The following NSMCE2 variants were observed in gnomAD, a reference collection of about 807,000 sequenced individuals.
NSMCE2 encodes E3 SUMO-protein ligase NSE2.
NSMCE2 carries 24 observed loss-of-function variants against 23.8 expected under a neutral mutation model. That is an observed-to-expected ratio of 1.01 (90% CI 0.73 to 1.42). NSMCE2 has a LOEUF of 1.42. Ranked by LOEUF, NSMCE2 falls within the 40% of genes most tolerant of loss-of-function variation. The pLI is 0.00. For synonymous variants in NSMCE2, 92 were observed against 94.1 expected (o/e 0.98, Z 0.13); for missense variants, 284 against 296.5 (o/e 0.96, Z 0.31).
intron 5 of NSMCE2, among the ~76,000 whole-genome samples, chr8:125,194,353 A>G (rs1823505709): frequency 6.6e-6 from 1 of 152,226 alleles, no homozygotes. Context: ...TACAGTGTGT[A>G]GCCTTTTGAG....
At chr8:125,344,742 C>A (rs372795792) in intron 5 of NSMCE2, among the ~76,000 whole-genome samples, 78 of 142,478 alleles carry the variant, frequency 5.5e-4, no homozygotes, top group Middle Eastern at 3.6e-3. Context: ...GACTTCATCT[C>A]AAAAAAAAAA....
chr8:125,225,731 A>G lies in NSMCE2; in HGVS notation c.418+43475A>G, dbSNP rs566109475. 7.9e-5 allele frequency among the ~76,000 whole-genome samples: 12 copies of G among 152,382 alleles called. No individual in the cohort carries two copies. The South Asian group carries it at 2.5e-3, about 32-fold the overall frequency. On this transcript the variant is annotated intron_variant, in intron 5 of 7. Coordinates refer to ENST00000287437, the MANE Select transcript of NSMCE2 (RefSeq NM_173685.4). Reference sequence around the variant, plus strand: ...TTTTCTCTTAACATGAGAGCAAATTATACTTATTTGCTGAACAAAGCAAAG... The same window carrying G: ...TTTTCTCTTAACATGAGAGCAAATTGTACTTATTTGCTGAACAAAGCAAAG...
At chr8:125,333,222 T>C (rs972330044) in intron 5 of NSMCE2, among the ~76,000 whole-genome samples, 6 of 151,944 alleles carry the variant, frequency 3.9e-5, no homozygotes, top group African/African-American at 1.5e-4. Flanking sequence ...AAGGCTGAAA[T>C]ACAGTGGCAC....
intron 4 of NSMCE2, among the ~76,000 whole-genome samples, chr8:125,151,580 A>G (rs1821032492): frequency 2.0e-5 from 3 of 152,348 alleles, no homozygotes; most frequent in East Asian, 1.9e-4. Flanking sequence ...TAAAAATTGC[A>G]TGCACCTTGT....
chr8:125,339,432 C>T (rs1363285202), intron 5 of NSMCE2, among the ~76,000 whole-genome samples: 1 of 151,980 alleles, frequency 6.6e-6, no homozygotes, highest in African/African-American at 2.4e-5. Context: ...CAGTGGTGAG[C>T]GGGTGGTTGG....
At chr8:125,156,453 G>A (rs572076083) in intron 4 of NSMCE2, among the ~76,000 whole-genome samples, 1 of 152,068 alleles carries the variant, frequency 6.6e-6, no homozygotes, top group Non-Finnish European at 1.5e-5. Flanking sequence ...TTGGATTACA[G>A]CTACATATTT....
At chr8:125,147,079 A>G (rs1820726892) in intron 3 of NSMCE2, among the ~76,000 whole-genome samples, 1 of 152,180 alleles carries the variant, frequency 6.6e-6, no homozygotes, top group African/African-American at 2.4e-5. Context: ...CCCTAATGCC[A>G]GACTTGCAGA....
intron 5 of NSMCE2, among the ~76,000 whole-genome samples, chr8:125,325,953 A>T (rs1425856349): frequency 6.6e-6 from 1 of 151,914 alleles, no homozygotes; most frequent in Non-Finnish European, 1.5e-5. Context: ...ACTCCGTCTC[A>T]AAATAAATAA....
rs545342979 is a variant in NSMCE2 at position 125,255,560 on chromosome 8, A to T, written c.418+73304A>T. Among the ~76,000 whole-genome samples, 9 of 152,224 alleles carry T rather than the reference A, an allele frequency of 5.9e-5. No homozygotes were observed. The East Asian group carries it at 1.7e-3, about 29-fold the overall frequency. ...GGGACAACAGTGTGATCACAAGCAGAGAGGAAGGAAACAACATGGTGTGCA... is the reference window on the plus strand; with the variant it reads ...GGGACAACAGTGTGATCACAAGCAGTGAGGAAGGAAACAACATGGTGTGCA... On this transcript the variant is annotated intron_variant, in intron 5 of 7. Coordinates refer to ENST00000287437, the MANE Select transcript of NSMCE2 (RefSeq NM_173685.4).
chr8:125,183,504 G>T (rs759655010), intron 5 of NSMCE2, among the ~76,000 whole-genome samples: 1 of 151,802 alleles, frequency 6.6e-6, no homozygotes, highest in African/African-American at 2.4e-5. Context: ...ATAATAATTT[G>T]CCAATGGCTT....
intron 5 of NSMCE2, among the ~76,000 whole-genome samples, chr8:125,281,949 C>T (rs561050488): frequency 4.6e-5 from 7 of 152,098 alleles, no homozygotes; most frequent in Admixed American, 2.0e-4. Flanking sequence ...CTGTCTAGCT[C>T]GTAGCTTGCA....
At chr8:125,304,254 GAAT>G (rs1828669424) in intron 5 of NSMCE2, among the ~76,000 whole-genome samples, 1 of 152,172 alleles carries the variant, frequency 6.6e-6, no homozygotes. Context: ...ATGATTACAT[GAAT>G]AATATATATA....
At chr8:125,204,351 T>C (rs913815335) in intron 5 of NSMCE2, among the ~76,000 whole-genome samples, 2 of 152,176 alleles carry the variant, frequency 1.3e-5, no homozygotes, top group African/African-American at 2.4e-5. Context: ...AGTTTGACCA[T>C]TGGGTCCTTC....
At chr8:125,130,098 C>CTTTTTTTTT in intron 3 of NSMCE2, 1 of 315,132 alleles carries the variant, frequency 3.2e-6, no homozygotes, top group Non-Finnish European at 6.4e-6. Context: ...GTTGGTTTCG[C>CTTTTTTTTT]TTTTTTTTTT....
At chr8:125,297,847 T>C (rs1464686448) in intron 5 of NSMCE2, among the ~76,000 whole-genome samples, 4 of 151,656 alleles carry the variant, frequency 2.6e-5, no homozygotes, top group Non-Finnish European at 5.9e-5. Context: ...AAAAAAATTA[T>C]TGATTACTTT....
intron 6 of NSMCE2, 123 bp from the exon 7 acceptor site, chr8:125,357,589 C>G (rs1177593257): frequency 1.3e-6 from 1 of 742,180 alleles, no homozygotes; most frequent in Non-Finnish European, 2.3e-6. Flanking sequence ...TATCTAAAGC[C>G]TAGTAATTAT....
chr8:125,178,079 A>G (rs1466128814), intron 4 of NSMCE2, among the ~76,000 whole-genome samples: 2 of 152,180 alleles, frequency 1.3e-5, no homozygotes, highest in African/African-American at 2.4e-5. Context: ...TAGTTAACAT[A>G]TGGCAGCAAC....
chr8:125,095,670 G>A (rs1481103503), intron 1 of NSMCE2, among the ~76,000 whole-genome samples: 2 of 152,100 alleles, frequency 1.3e-5, no homozygotes, highest in African/African-American at 4.8e-5. Context: ...CGAGGCCGGT[G>A]GATCACTTGA....
intron 5 of NSMCE2, among the ~76,000 whole-genome samples, chr8:125,243,177 T>C (rs1825823774): frequency 6.6e-6 from 1 of 152,128 alleles, no homozygotes; most frequent in Admixed American, 6.6e-5. Flanking sequence ...AAATATACAA[T>C]TGTAATAGAG....
Sources: allele counts gnomAD v4.1 joint callset (sites outside exome capture counted in the v4.1 genomes callset), GRCh38; gene constraint gnomAD v4.1.1; transcripts MANE v1.5; gene names NCBI Gene and HGNC (gene_info 2026-07-23, HGNC 2026-07-21).